The following NKAIN2 variants were observed in gnomAD, a reference collection of about 807,000 sequenced individuals.
NKAIN2 encodes sodium/potassium-transporting ATPase subunit beta-1-interacting protein 2.
NKAIN2 carries 14 observed loss-of-function variants against 32.6 expected under a neutral mutation model. That is an observed-to-expected ratio of 0.43 (90% CI 0.28 to 0.67). The LOEUF is 0.67. NKAIN2 is among the 30% of genes least tolerant of loss of function. NKAIN2 has a pLI of 0.17. For synonymous variants in NKAIN2, 80 were observed against 87.2 expected (o/e 0.92, Z 0.46); for missense variants, 198 against 258.3 (o/e 0.77, Z 1.60).
intron 3 of NKAIN2, among the ~76,000 whole-genome samples, chr6:124,619,803 T>A (rs1440361240): frequency 6.6e-6 from 1 of 152,216 alleles, no homozygotes; most frequent in African/African-American, 2.4e-5. Flanking sequence ...GATGAAAAAC[T>A]ATCTTTCTGT....
At chr6:124,013,124 T>C (rs1195373838) in intron 1 of NKAIN2, among the ~76,000 whole-genome samples, 2 of 152,238 alleles carry the variant, frequency 1.3e-5, no homozygotes, top group Admixed American at 6.5e-5. Context: ...TATATGACTT[T>C]CCTGGTAAAT....
In NKAIN2 at chr6:124,369,880, A is replaced by ATTTTTT. The variant is rs61588781; in HGVS notation, c.273+14546_273+14551dup. On this transcript the variant is annotated intron_variant, in intron 3 of 6. Coordinates refer to ENST00000368417, the MANE Select transcript of NKAIN2 (RefSeq NM_001040214.3). ...ATTTGCTTTAGAGGGCAGAATGTCA[A>ATTTTTT]TTTTTTTTTTTTTTTTTTAACCTGT... Among the ~76,000 whole-genome samples, 80 of 82,372 alleles carry ATTTTTT rather than the reference A, an allele frequency of 9.7e-4. 7 individuals are homozygous for ATTTTTT. Among genetic ancestry groups the ATTTTTT allele is most frequent in the African/African-American group, 3.8e-3 (66 of 17,516 alleles). 54.0% of individuals were successfully genotyped at this position (82,372 alleles called of 152,430 possible).
intron 5 of NKAIN2, among the ~76,000 whole-genome samples, chr6:124,813,122 G>T (rs1780980087): frequency 6.6e-6 from 1 of 152,042 alleles, no homozygotes; most frequent in African/African-American, 2.4e-5. Context: ...TTGGTGTCCT[G>T]CATAAATTAT....
intron 1 of NKAIN2, among the ~76,000 whole-genome samples, chr6:123,988,006 C>T (rs535392129): frequency 2.6e-5 from 4 of 152,150 alleles, no homozygotes; most frequent in Non-Finnish European, 5.9e-5. Flanking sequence ...GACTATATGT[C>T]AGATGTTACT....
At chr6:124,131,319 A>G (rs1045262410) in intron 1 of NKAIN2, among the ~76,000 whole-genome samples, 1 of 151,984 alleles carries the variant, frequency 6.6e-6, no homozygotes. Context: ...TATTTTTTGT[A>G]TTGAGTTGGG....
At chr6:124,475,458 C>G (rs895075677) in intron 3 of NKAIN2, among the ~76,000 whole-genome samples, 2 of 152,046 alleles carry the variant, frequency 1.3e-5, no homozygotes, top group Admixed American at 1.3e-4. Flanking sequence ...TGTAAAAGAC[C>G]TGTGGATTTT....
intron 2 of NKAIN2, among the ~76,000 whole-genome samples, chr6:124,335,047 T>A (rs1219935049): frequency 6.6e-6 from 1 of 152,142 alleles, no homozygotes; most frequent in Non-Finnish European, 1.5e-5. Flanking sequence ...CTTGACGGTA[T>A]CCAACCAAGA....
chr6:123,833,345 A>T (rs1182581556), intron 1 of NKAIN2, among the ~76,000 whole-genome samples: 1 of 152,050 alleles, frequency 6.6e-6, no homozygotes, highest in South Asian at 2.1e-4. Flanking sequence ...TTGTAGCTTT[A>T]TGGGCAGTAC....
rs756740091 is a variant in NKAIN2 at position 124,641,231 on chromosome 6, T to G, written c.274-16955T>G. Among the ~76,000 whole-genome samples, 68 of 152,266 alleles carry G rather than the reference T, an allele frequency of 4.5e-4. 1 individual carries two copies. The highest frequency in any genetic ancestry group is 8.8e-4 in the Non-Finnish European group (60 of 68,018). On this transcript the variant is annotated intron_variant, in intron 3 of 6. Transcript: ENST00000368417. ...CGAAGAGAGATACGCAGAATGTTAA[T>G]AGGAAGTTATAAGGAGGCTTTCATA...
intron 1 of NKAIN2, among the ~76,000 whole-genome samples, chr6:124,003,574 C>G (rs1459932189): frequency 1.3e-5 from 2 of 152,034 alleles, no homozygotes; most frequent in African/African-American, 4.8e-5. Flanking sequence ...TGTTTTAATT[C>G]TGGGGGCATT....
chr6:124,768,974 G>A (rs1327554545), intron 4 of NKAIN2, among the ~76,000 whole-genome samples: 8 of 152,094 alleles, frequency 5.3e-5, no homozygotes. Context: ...ACTTTATTCT[G>A]GTCATAACAT....
intron 6 of NKAIN2, among the ~76,000 whole-genome samples, chr6:124,820,568 T>A (rs556999796): frequency 6.6e-6 from 1 of 152,298 alleles, no homozygotes; most frequent in African/African-American, 2.4e-5. Flanking sequence ...AGAAGTAACA[T>A]ACACTGCAAG....
At chr6:124,104,185 T>C (rs929600048) in intron 1 of NKAIN2, among the ~76,000 whole-genome samples, 1 of 152,200 alleles carries the variant, frequency 6.6e-6, no homozygotes, top group South Asian at 2.1e-4. Context: ...GACATAGCAA[T>C]ATGAAACGGT....
rs76052806 is a variant in NKAIN2 at position 124,658,016 on chromosome 6, C to T, written c.274-170C>T. Among the ~76,000 whole-genome samples the T allele has an allele frequency of 3.8e-4, 57 of 151,472 alleles. No homozygotes were observed. In the East Asian group the frequency reaches 9.7e-3, roughly 26 times the overall value. Reference sequence around the variant, plus strand: ...CATAAGTAGGATGAATCCATAGATGCATAATTAATTTAGCTGTGTCCTCGC... The same window carrying T: ...CATAAGTAGGATGAATCCATAGATGTATAATTAATTTAGCTGTGTCCTCGC... On this transcript the variant is annotated intron_variant, in intron 3 of 6. Transcript: ENST00000368417.
intron 1 of NKAIN2, among the ~76,000 whole-genome samples, chr6:123,992,647 A>G (rs1779461265): frequency 6.6e-6 from 1 of 152,254 alleles, no homozygotes; most frequent in South Asian, 2.1e-4. Flanking sequence ...AAAAAGGTAC[A>G]TAACAGAAAT....
At chr6:124,560,965 T>G (rs1235952013) in intron 3 of NKAIN2, among the ~76,000 whole-genome samples, 1 of 152,102 alleles carries the variant, frequency 6.6e-6, no homozygotes, top group Non-Finnish European at 1.5e-5. Flanking sequence ...GACATTCTAG[T>G]GAAGCCCAGC....
intron 3 of NKAIN2, among the ~76,000 whole-genome samples, chr6:124,640,648 C>T (rs901435490): frequency 2.0e-5 from 3 of 152,146 alleles, no homozygotes; most frequent in Admixed American, 1.3e-4. Context: ...GAAAATTCTG[C>T]CTCTAGCATC....
chr6:124,733,538 C>G (rs530661015), intron 4 of NKAIN2, among the ~76,000 whole-genome samples: 22 of 151,876 alleles, frequency 1.4e-4, no homozygotes, highest in African/African-American at 5.3e-4. Flanking sequence ...TCCATGTTAG[C>G]AATGTTAGCA....
intron 3 of NKAIN2, among the ~76,000 whole-genome samples, chr6:124,465,684 A>G (rs1201014278): frequency 2.0e-5 from 3 of 151,584 alleles, no homozygotes; most frequent in Non-Finnish European, 4.4e-5. Flanking sequence ...TTCTTTGTCT[A>G]TGTAAGATTG....
Sources: allele counts gnomAD v4.1 joint callset (sites outside exome capture counted in the v4.1 genomes callset), GRCh38; gene constraint gnomAD v4.1.1; transcripts MANE v1.5; gene names NCBI Gene and HGNC (gene_info 2026-07-23, HGNC 2026-07-21).